Variants in ZFP1 observed in about 807,000 individuals in gnomAD.
ZFP1 encodes ZFP1 zinc finger protein.
A neutral mutation model predicts 38.5 loss-of-function variants in ZFP1; 32 were observed. The observed-to-expected ratio is 0.83, with a 90% confidence interval of 0.63 to 1.12. ZFP1 has a LOEUF of 1.12. Among genes scored for constraint, ZFP1 ranks in the 50% most tolerant of loss-of-function variants. The pLI, the probability that ZFP1 is intolerant of heterozygous loss-of-function variation, is 0.00. For missense variants in ZFP1, 616 were observed against 480.8 expected, an observed-to-expected ratio of 1.28 and a Z score of -2.63; for synonymous variants, 245 against 168.8, an observed-to-expected ratio of 1.45 and a Z score of -3.50.
the ZFP1 span, chr16:75,119,581 A>G: frequency 6.6e-6 from 1 of 152,172 alleles, no homozygotes; most frequent in African/African-American, 2.4e-5. Flanking sequence ...ACCCATCCCT[A>G]GGTAAGTAAC....
chr16:75,170,257 T>C lies in ZFP1; in HGVS notation c.1147T>C (p.Ser383Pro). The C allele has an allele frequency of 6.2e-7, 1 of 1,613,766 alleles. No homozygotes were observed. Among genetic ancestry groups the C allele is most frequent in the Non-Finnish European group, 8.5e-7 (1 of 1,179,832 alleles). The change falls in exon 4 of 4, where the codon TCC becomes CCC. Residue 383 changes from serine to proline, a missense_variant. Physicochemically the swap from Ser to Pro is moderately conservative, Grantham distance 74. Coordinates refer to ENST00000570010, the MANE Select transcript of ZFP1 (RefSeq NM_153688.4). Reference protein sequence around the residue: ...IHTGEKPYECSECGKAFSRKS... With the variant: ...IHTGEKPYECPECGKAFSRKS... ...CACAGGAGAGAAACCATATGAGTGTTCCGAATGTGGGAAGGCCTTTAGCAG... is the reference window on the plus strand; with the variant it reads ...CACAGGAGAGAAACCATATGAGTGTCCCGAATGTGGGAAGGCCTTTAGCAG...
the ZFP1 span, among the ~76,000 whole-genome samples, chr16:75,135,326 A>G: frequency 2.0e-5 from 3 of 152,160 alleles, no homozygotes; most frequent in Non-Finnish European, 2.9e-5. Context: ...ACAAAAAGAC[A>G]AAGAAGAACC....
At chr16:75,135,723 A>C in the ZFP1 span, among the ~76,000 whole-genome samples, 1 of 151,372 alleles carries the variant, frequency 6.6e-6, no homozygotes, top group Admixed American at 6.6e-5. Context: ...TGGTACATAC[A>C]TGACATTGTG....
rs377309261 is a variant in ZFP1 at position 75,170,267 on chromosome 16, G to A, written c.1157G>A (p.Gly386Glu). The part of the protein sequence containing the change: ...GEKPYECSEC[G>E]KAFSRKSRLS... ...AAACCATATGAGTGTTCCGAATGTG[G>A]GAAGGCCTTTAGCAGGAAGTCCCGA... Residue 386 changes from glycine to glutamate, a missense_variant, in exon 4 of 4, where the codon GGG becomes GAG. Transcript: ENST00000570010. 2 of 1,613,116 alleles carry A rather than the reference G, an allele frequency of 1.2e-6. No individual in the cohort carries two copies. The highest frequency in any genetic ancestry group is 8.5e-7 in the Non-Finnish European group (1 of 1,179,446).
intron 1 of ZFP1, chr16:75,149,338 T>G (rs1052006821): frequency 6.6e-6 from 1 of 152,196 alleles, no homozygotes; most frequent in Non-Finnish European, 1.5e-5. Flanking sequence ...GTATACGTTT[T>G]GACGTTTTAA....
intron 1 of ZFP1, among the ~76,000 whole-genome samples, chr16:75,150,850 G>T (rs34823361): frequency 1.3e-5 from 2 of 151,802 alleles, no homozygotes; most frequent in Middle Eastern, 3.4e-3. Context: ...ATTGAGACAG[G>T]GTCTGTCTCT....
chr16:75,145,174 C>G (rs111779503), upstream of ZFP1, among the ~76,000 whole-genome samples: 35 of 152,310 alleles, frequency 2.3e-4, no homozygotes, highest in African/African-American at 7.9e-4. Context: ...GGTGTAAACA[C>G]CTTTCTATGA....
the ZFP1 span, among the ~76,000 whole-genome samples, chr16:75,121,304 T>C: frequency 1.3e-5 from 2 of 151,860 alleles, no homozygotes; most frequent in Non-Finnish European, 2.9e-5. Context: ...TTTTTGTATT[T>C]TTAATAGAGA....
chr16:75,164,554 G>T (rs1484076179), intron 2 of ZFP1, among the ~76,000 whole-genome samples: 1 of 152,042 alleles, frequency 6.6e-6, no homozygotes, highest in Non-Finnish European at 1.5e-5. Flanking sequence ...GCTTAATTTT[G>T]GTTTTGGTAC....
chr16:75,154,116 C>T (rs555732007), intron 2 of ZFP1, among the ~76,000 whole-genome samples: 117 of 152,054 alleles, frequency 7.7e-4, no homozygotes, highest in Middle Eastern at 3.4e-3. Flanking sequence ...CCCAGCTACT[C>T]GGGAGGCTGA....
the ZFP1 span, among the ~76,000 whole-genome samples, chr16:75,131,567 G>C: frequency 4.6e-5 from 7 of 151,886 alleles, no homozygotes; most frequent in Non-Finnish European, 8.8e-5. Flanking sequence ...TCCTAGCTGG[G>C]TACACACTCC....
At chr16:75,135,348 T>C in the ZFP1 span, among the ~76,000 whole-genome samples, 2 of 147,294 alleles carry the variant, frequency 1.4e-5, no homozygotes, top group African/African-American at 2.5e-5. Context: ...TAACACAAAA[T>C]AACACAGAGG....
the ZFP1 span, among the ~76,000 whole-genome samples, chr16:75,139,919 C>T: frequency 6.6e-6 from 1 of 152,280 alleles, no homozygotes; most frequent in African/African-American, 2.4e-5. Context: ...GAACTGTACA[C>T]TTGAAAATGG....
rs751742960 is a variant in ZFP1 at position 75,166,841 on chromosome 16, G to A, written c.87G>A (p.Gln29=). The change falls in exon 3 of 4, where the codon CAG becomes CAA. Residue 29 remains glutamine, a synonymous_variant. Transcript: ENST00000570010. The part of the protein sequence containing the change: ...QEEWEQLDPS[Q]RILYMDVMLE... ...AATGGGAACAACTGGACCCCTCTCA[G>A]AGGATCCTATACATGGATGTGATGC... The A allele has an allele frequency of 4.1e-5, 66 of 1,614,070 alleles. No individual in the cohort carries two copies. The highest frequency in any genetic ancestry group is 5.3e-5 in the Non-Finnish European group (63 of 1,180,030).
chr16:75,167,881 G>A (rs1052374266), intron 3 of ZFP1, among the ~76,000 whole-genome samples: 1 of 152,138 alleles, frequency 6.6e-6, no homozygotes, highest in African/African-American at 2.4e-5. Flanking sequence ...CAGATCACCT[G>A]AGGTCAGTTC....
chr16:75,151,092 C>G (rs1430711044), intron 1 of ZFP1, among the ~76,000 whole-genome samples: 1 of 152,054 alleles, frequency 6.6e-6, no homozygotes, highest in African/African-American at 2.4e-5. Flanking sequence ...CCCCTGGGCT[C>G]AAGCAGTCCA....
At chr16:75,132,540 T>G in the ZFP1 span, 7 of 152,252 alleles carry the variant, frequency 4.6e-5, no homozygotes, top group African/African-American at 1.7e-4. Flanking sequence ...CTTTCTGCTC[T>G]GATGGAACCA....
At chr16:75,147,020 G>C (rs1035341317), upstream of ZFP1, among the ~76,000 whole-genome samples, 6 of 148,968 alleles carry the variant, frequency 4.0e-5, no homozygotes, top group African/African-American at 1.5e-4. Context: ...CTAAATGAAA[G>C]AAGCCAATCT....
chr16:75,129,664 A>G, the ZFP1 span, among the ~76,000 whole-genome samples: 2 of 152,190 alleles, frequency 1.3e-5, no homozygotes, highest in African/African-American at 4.8e-5. Context: ...ATGTTGATTG[A>G]TGTCTCATGT....
Sources: gnomAD v4.1 joint callset for allele counts (sites outside exome capture counted in the v4.1 genomes callset) on GRCh38, gnomAD v4.1.1 for gene constraint, MANE v1.5 for transcripts, NCBI Gene and HGNC (gene_info 2026-07-23, HGNC 2026-07-21) for gene names.